Variants in SBNO2 observed in about 807,000 individuals in gnomAD.
The protein encoded by SBNO2 is protein strawberry notch homolog 2.
Under a neutral mutation model 146.3 loss-of-function variants are expected in SBNO2, and 89 were observed. That is an observed-to-expected ratio of 0.61 (90% CI 0.51 to 0.73). The LOEUF (loss-of-function observed/expected upper bound fraction) is 0.73, where lower values mean the gene tolerates loss of function less well. SBNO2 is among the 30% of genes least tolerant of loss of function. The probability of loss-of-function intolerance (pLI) is 0.00; values close to 1 mark genes in which losing one functional copy is unlikely to be tolerated. For synonymous variants in SBNO2, 1,147 were observed against 892.6 expected (o/e 1.29, Z -5.08); for missense variants, 2,092 against 2,003.7 (o/e 1.04, Z -0.84).
chr19:1,138,451 A>G (rs1368603440), intron 4 of SBNO2, among the ~76,000 whole-genome samples: 2 of 151,918 alleles, frequency 1.3e-5, no homozygotes, highest in Admixed American at 1.3e-4. Context: ...ACACACAGAC[A>G]TGGACCTGCA....
chr19:1,110,339 C>T lies in SBNO2; in HGVS notation c.3028+406G>A, dbSNP rs2079741070. Among the ~76,000 whole-genome samples, 1 of 152,156 alleles carries T rather than the reference C, an allele frequency of 6.6e-6. No homozygotes were observed. The highest frequency in any genetic ancestry group is 1.5e-5 in the Non-Finnish European group (1 of 68,010). ...TCGTTCACAACAATGTAGCAGGTGC[C>T]CCGTGAAGCCTGGGGATGAGCATGG... On this transcript the variant is annotated intron_variant, in intron 26 of 31. Coordinates refer to ENST00000361757, the MANE Select transcript of SBNO2 (RefSeq NM_014963.3). This position sits in a 1 kb window ranked among gnomAD's most constrained non-coding sequence, Gnocchi z 4.9.
At chr19:1,129,678 G>C (rs1371579052) in intron 4 of SBNO2, among the ~76,000 whole-genome samples, 1 of 152,224 alleles carries the variant, frequency 6.6e-6, no homozygotes, top group African/African-American at 2.4e-5. Flanking sequence ...CTCCGTGGAA[G>C]CATTTCCCGG....
At chr19:1,170,521 G>A (rs1166332377) in intron 1 of SBNO2, among the ~76,000 whole-genome samples, 1 of 152,106 alleles carries the variant, frequency 6.6e-6, no homozygotes, top group Non-Finnish European at 1.5e-5. Context: ...CCGGCAGCTG[G>A]ACACACCCAG....
At chr19:1,166,129 ACTTCAGAT>A (rs149238992) in intron 1 of SBNO2, among the ~76,000 whole-genome samples, 1 of 90,088 alleles carries the variant, frequency 1.1e-5, no homozygotes, top group African/African-American at 4.4e-5. Flanking sequence ...CAGATCCCAG[ACTTCAGAT>A]CCCCAGACCC....
chr19:1,132,373 C>G (rs944832111), intron 4 of SBNO2: 2 of 796,766 alleles, frequency 2.5e-6, no homozygotes, highest in African/African-American at 3.7e-5. Flanking sequence ...ACCGGCAGTG[C>G]GAGGAGAATT....
At position 1,173,908 on chromosome 19, in the gene SBNO2, G is replaced by A. The variant is rs2080505388; in HGVS notation, c.-127+264C>T. 6.6e-6 allele frequency: 1 copy of A among 150,604 alleles called. No homozygotes were observed. Among genetic ancestry groups the A allele is most frequent in the Non-Finnish European group, 1.5e-5 (1 of 67,378 alleles). 9.3% of individuals were successfully genotyped at this position (150,604 alleles called of 1,614,324 possible). ...AGGTAGGGTTAAGGTTCACGGCAGG[G>A]GGTCGCCGGGGGGCGGGGGGGCAGG... On this transcript the variant is annotated intron_variant, in intron 1 of 31. Transcript: ENST00000361757. This position sits in a 1 kb window ranked among gnomAD's most constrained non-coding sequence, Gnocchi z 4.7.
At chr19:1,156,342 G>A (rs1292249476) in intron 1 of SBNO2, among the ~76,000 whole-genome samples, 1 of 152,174 alleles carries the variant, frequency 6.6e-6, no homozygotes, top group Non-Finnish European at 1.5e-5. Context: ...CTGGCAGGGT[G>A]TGGAGACCTG....
Position 1,130,091 on chromosome 19 carries a change from C to T in SBNO2, c.280-2326G>A, listed in dbSNP as rs1419642577. On this transcript the variant is annotated intron_variant, in intron 4 of 31. Transcript: ENST00000361757. ...GAAACACGGGCCTCTGAGAAACCATCACAGCCCAGAGGGGCCTGAGGAGAC... is the reference window on the plus strand; with the variant it reads ...GAAACACGGGCCTCTGAGAAACCATTACAGCCCAGAGGGGCCTGAGGAGAC... Among the ~76,000 whole-genome samples, 7 of 152,324 alleles carry T rather than the reference C, an allele frequency of 4.6e-5. No homozygotes were observed. The East Asian group carries it at 1.4e-3, about 29-fold the overall frequency.
intron 4 of SBNO2, among the ~76,000 whole-genome samples, chr19:1,145,678 G>T (rs57981388): frequency 2.6e-4 from 40 of 151,850 alleles, no homozygotes; most frequent in African/African-American, 9.7e-4. Context: ...CTGAAGGGTG[G>T]GGCACAGATG....
At chr19:1,120,692 C>T (rs1402556895) in intron 11 of SBNO2, among the ~76,000 whole-genome samples, 2 of 151,402 alleles carry the variant, frequency 1.3e-5, no homozygotes, top group East Asian at 2.0e-4. Flanking sequence ...TTTTTTGAGA[C>T]GAAGTCTCGC....
At chr19:1,161,920 G>T (rs1229364118) in intron 1 of SBNO2, among the ~76,000 whole-genome samples, 2 of 100,448 alleles carry the variant, frequency 2.0e-5, no homozygotes, top group Admixed American at 9.2e-5. Context: ...GGGGGGGGGG[G>T]GGGGGTTGGG....
At chr19:1,135,948 C>A (rs1272992268) in intron 4 of SBNO2, among the ~76,000 whole-genome samples, 1 of 152,050 alleles carries the variant, frequency 6.6e-6, no homozygotes, top group East Asian at 1.9e-4. Flanking sequence ...ATGGTGTGAT[C>A]ATGTCCTGGC....
intron 4 of SBNO2, among the ~76,000 whole-genome samples, chr19:1,135,025 A>G (rs185156072): frequency 1.5e-3 from 227 of 149,214 alleles, no homozygotes; most frequent in African/African-American, 5.4e-3. Flanking sequence ...TAGCCTGGGC[A>G]ACAGAGCAAG....
intron 14 of SBNO2, 40 bp from the exon 15 acceptor site, chr19:1,117,539 C>T (rs1248504192): frequency 1.3e-6 from 2 of 1,522,588 alleles, no homozygotes; most frequent in East Asian, 2.5e-5. Context: ...AGCTGTGGCT[C>T]CTGGCTCCCG....
intron 1 of SBNO2, among the ~76,000 whole-genome samples, chr19:1,155,920 T>C (rs1211001739): frequency 6.6e-6 from 1 of 152,110 alleles, no homozygotes; most frequent in Non-Finnish European, 1.5e-5. Flanking sequence ...GCAGGTTCCA[T>C]CTCACGGCAG....
chr19:1,108,070 TG>T lies in SBNO2; in HGVS notation c.*149del, dbSNP rs2079693231. 2 of 876,770 alleles carry T rather than the reference TG, an allele frequency of 2.3e-6. No individual in the cohort carries two copies. The highest frequency in any genetic ancestry group is 2.2e-5 in the South Asian group (1 of 45,376). The allele number at this position is 876,770 out of a possible 1,614,324, so 54.3% of individuals were successfully genotyped here. A position where few individuals can be genotyped will look rare whatever the true frequency, so the allele number is the denominator to read the frequency against. ...GTGGGCCCCGCCAGGGCTGACCAGG[TG>T]GGGGCCCGGGTCGGGCGCTGAAGGC... is the stretch of plus-strand genomic sequence containing the variant. On this transcript the variant is annotated 3_prime_UTR_variant, in exon 32 of 32. Transcript: ENST00000361757.
chr19:1,156,371 G>A (rs762588389), intron 1 of SBNO2, among the ~76,000 whole-genome samples: 4 of 152,270 alleles, frequency 2.6e-5, no homozygotes, highest in South Asian at 2.1e-4. Flanking sequence ...GGGGATGGGG[G>A]CAGGAGAACA....
chr19:1,117,172 G>A (rs2079842719), intron 15 of SBNO2, 151 bp downstream of exon 15: 9 of 862,042 alleles, frequency 1.0e-5, no homozygotes, highest in Non-Finnish European at 1.6e-5. Flanking sequence ...GGCTGGCTCT[G>A]ATTGGAAGAC....
In SBNO2 at chr19:1,109,722, A is replaced by T. The variant is rs752947332; in HGVS notation, c.3084T>A (p.Ala1028=). The change falls in exon 27 of 32, where the codon GCT becomes GCA. Residue 1028 remains alanine (A), a synonymous_variant. Transcript: ENST00000361757. This position sits in a 1 kb window ranked among gnomAD's most constrained non-coding sequence, Gnocchi z 4.2. ...CCTGCCCGTCCTGCGGGTGCCCGGG[A>T]GCCAGGAACACCTGCTGGCTCTCCT... ...IYEESQQVFL[A]PGHPQDGQVV... The T allele has an allele frequency of 1.3e-6, 2 of 1,595,140 alleles. No homozygotes were observed. Among genetic ancestry groups the T allele is most frequent in the Admixed American group, 3.4e-5 (2 of 59,356 alleles).
Sources: allele counts gnomAD v4.1 joint callset (sites outside exome capture counted in the v4.1 genomes callset), GRCh38; gene constraint gnomAD v4.1.1; non-coding constraint Gnocchi (gnomAD v3.1); transcripts MANE v1.5; gene names NCBI Gene and HGNC (gene_info 2026-07-23, HGNC 2026-07-21).